Variants in VAV2 observed in about 807,000 individuals in gnomAD.
VAV2 encodes vav guanine nucleotide exchange factor 2.
Under a neutral mutation model 132.5 loss-of-function variants are expected in VAV2, and 67 were observed. The ratio of observed to expected loss-of-function variants is 0.51; its 90% CI spans 0.42 to 0.62. The LOEUF (loss-of-function observed/expected upper bound fraction) is 0.62. Among genes scored for constraint, VAV2 ranks in the 20% least tolerant of loss-of-function variants. The probability of loss-of-function intolerance (pLI) is 0.00; values close to 1 mark genes in which losing one functional copy is unlikely to be tolerated. For missense variants in VAV2, 938 were observed against 1,153.6 expected, an observed-to-expected ratio of 0.81 and a Z score of 2.71; for synonymous variants, 492 against 443.5, an observed-to-expected ratio of 1.11 and a Z score of -1.37.
Position 133,876,644 on chromosome 9 carries a change from G to A in VAV2, c.322-15212C>T, listed in dbSNP as rs1838277889. 2.0e-5 allele frequency among the ~76,000 whole-genome samples: 3 copies of A among 152,354 alleles called. No individual in the cohort carries two copies. In the South Asian group the frequency reaches 6.2e-4, roughly 32 times the overall value. On this transcript the variant is annotated intron_variant, in intron 2 of 29. Transcript: ENST00000371850. ...TGAGAGATGCTTCAGGCTGCAAAGA[G>A]GATACTGGGTGGAGGGAAGGCAGGA...
intron 10 of VAV2, 60 bp downstream of exon 10, chr9:133,797,650 T>A: frequency 6.7e-7 from 1 of 1,484,592 alleles, no homozygotes; most frequent in Non-Finnish European, 9.2e-7. Flanking sequence ...CCTAACGAGC[T>A]CTGGCCTGCA....
At chr9:133,776,785 C>T (rs1003513198) in intron 23 of VAV2, among the ~76,000 whole-genome samples, 2 of 152,096 alleles carry the variant, frequency 1.3e-5, no homozygotes, top group African/African-American at 2.4e-5. Flanking sequence ...CGGGGAGCAC[C>T]GGGGCTGCCG....
intron 19 of VAV2, 67 bp downstream of exon 19, chr9:133,783,436 G>A: frequency 6.7e-7 from 1 of 1,500,194 alleles, no homozygotes; most frequent in South Asian, 1.1e-5. Flanking sequence ...CCGTACCCAG[G>A]TGGTAGGGGG....
intron 16 of VAV2, among the ~76,000 whole-genome samples, chr9:133,786,841 C>T (rs56915023): frequency 0.034 from 5,091 of 151,330 alleles, 307 homozygotes; most frequent in African/African-American, 0.12. Flanking sequence ...GAAAGAGGAA[C>T]GAAGGGAGGG....
At chr9:133,944,462 G>A (rs540066984) in intron 1 of VAV2, among the ~76,000 whole-genome samples, 32 of 152,182 alleles carry the variant, frequency 2.1e-4, no homozygotes, top group Admixed American at 6.5e-4. Flanking sequence ...CTTGGCCATC[G>A]ACCCCTGGGC....
intron 12 of VAV2, among the ~76,000 whole-genome samples, chr9:133,793,865 C>T (rs10993803): frequency 0.55 from 83,747 of 151,928 alleles, 23,518 homozygotes; most frequent in African/African-American, 0.65. Context: ...CCAGGTACAG[C>T]GACGACTCCC....
intron 3 of VAV2, among the ~76,000 whole-genome samples, chr9:133,838,381 C>CG (rs1450763026): frequency 7.1e-6 from 1 of 139,862 alleles, no homozygotes; most frequent in Non-Finnish European, 1.5e-5. Context: ...GGATAGATGG[C>CG]GGGGGGTGGA....
intron 2 of VAV2, among the ~76,000 whole-genome samples, chr9:133,911,147 C>G (rs1269759468): frequency 6.6e-6 from 1 of 152,194 alleles, no homozygotes; most frequent in African/African-American, 2.4e-5. Context: ...GGAATGTATT[C>G]ACGCGTGCAC....
At position 133,766,824 on chromosome 9, in the gene VAV2, G is replaced by A. The variant is rs373788054; in HGVS notation, c.2589+1618C>T. On this transcript the variant is annotated intron_variant, in intron 29 of 29. Transcript: ENST00000371850. Reference sequence around the variant, plus strand: ...AAAAACAAAAACAATGTCTTCTAAGGTTTGAATATATATAGAATTAAGATA... The same window carrying A: ...AAAAACAAAAACAATGTCTTCTAAGATTTGAATATATATAGAATTAAGATA... 2.6e-4 allele frequency among the ~76,000 whole-genome samples: 37 copies of A among 142,008 alleles called. No homozygotes were observed. In the East Asian group the frequency reaches 7.2e-3, roughly 28 times the overall value. The allele number at this position is 142,008 out of a possible 152,430, so 93.2% of individuals were successfully genotyped here.
chr9:133,772,086 CCACA>C lies in VAV2; in HGVS notation c.2136-44_2136-41del, dbSNP rs769132741. On this transcript the variant is annotated intron_variant, in intron 25 of 29. Coordinates refer to ENST00000371850, the MANE Select transcript of VAV2 (RefSeq NM_001134398.2). Reference sequence around the variant, plus strand: ...GGCCCCGGCGGTCACCGCGTGAGGGCCACACGGCCCCGGCCCCCTTGGCAGCCAG... The same window carrying C: ...GGCCCCGGCGGTCACCGCGTGAGGGCCGGCCCCGGCCCCCTTGGCAGCCAG... The C allele has an allele frequency of 2.8e-5, 44 of 1,563,256 alleles. 1 individual carries two copies. In the South Asian group the frequency reaches 4.9e-4, roughly 17 times the overall value.
In VAV2 at chr9:133,857,492, T is replaced by C. The variant is rs1158362878; in HGVS notation, c.380+3882A>G. 6.6e-6 allele frequency among the ~76,000 whole-genome samples: 1 copy of C among 152,206 alleles called. No individual in the cohort carries two copies. The highest frequency in any genetic ancestry group is 2.4e-5 in the African/African-American group (1 of 41,446). ...TTTTTGAAGGAGCACGTTGGGCTCC[T>C]ACCCAGCCATGAAATGAGGGAGAGA... On this transcript the variant is annotated intron_variant, in intron 3 of 29. Transcript: ENST00000371850. This position sits in a 1 kb window ranked among gnomAD's most constrained non-coding sequence, Gnocchi z 4.0.
rs1835916769 is a variant in VAV2 at position 133,824,681 on chromosome 9, G to GGGTCCCA, written c.449+9584_449+9590dup. Among the ~76,000 whole-genome samples the GGGTCCCA allele has an allele frequency of 6.6e-6, 1 of 152,226 alleles. No individual in the cohort carries two copies. The highest frequency in any genetic ancestry group is 1.9e-4 in the East Asian group (1 of 5,176). On this transcript the variant is annotated intron_variant, in intron 4 of 29. Coordinates refer to ENST00000371850, the MANE Select transcript of VAV2 (RefSeq NM_001134398.2). This position sits in a 1 kb window ranked among gnomAD's most constrained non-coding sequence, Gnocchi z 5.2. ...GTGAGAAGTGCAGGGGCCCACAACG[G>GGGTCCCA]GGTCCCAGGTCCCAGGTCTGTGGGG...
chr9:133,983,878 C>A lies in VAV2; in HGVS notation c.204+8197G>T, dbSNP rs370742233. 2.4e-3 allele frequency among the ~76,000 whole-genome samples: 345 copies of A among 144,996 alleles called. 3 individuals are homozygous for A. Among genetic ancestry groups the A allele is most frequent in the African/African-American group, 7.9e-3 (313 of 39,436 alleles). On this transcript the variant is annotated intron_variant, in intron 1 of 29. Transcript: ENST00000371850. The stretch of plus-strand genomic sequence containing the variant: ...GATGAGTGTTTCTCACCCTCATTTT[C>A]GTTACTGTCCCTCCAAGGAGGCTTT...
At chr9:133,855,395 T>C (rs1476932719) in intron 3 of VAV2, among the ~76,000 whole-genome samples, 9 of 152,142 alleles carry the variant, frequency 5.9e-5, no homozygotes, top group Admixed American at 5.9e-4. Context: ...GGAGTGGAAG[T>C]CAAGGACGCA....
intron 1 of VAV2, among the ~76,000 whole-genome samples, chr9:133,982,512 C>T (rs1842730107): frequency 6.6e-6 from 1 of 151,560 alleles, no homozygotes; most frequent in Non-Finnish European, 1.5e-5. Flanking sequence ...GGCAGACTGG[C>T]TGGAGGGGCA....
intron 13 of VAV2, among the ~76,000 whole-genome samples, chr9:133,791,190 G>A (rs1172557822): frequency 6.6e-6 from 1 of 152,160 alleles, no homozygotes; most frequent in Non-Finnish European, 1.5e-5. Flanking sequence ...TCCTGGGGTG[G>A]CGCATCCCCT....
intron 2 of VAV2, among the ~76,000 whole-genome samples, chr9:133,906,067 T>TG (rs1299292837): frequency 6.6e-6 from 1 of 152,110 alleles, no homozygotes; most frequent in Non-Finnish European, 1.5e-5. Flanking sequence ...AAGAGGTTCC[T>TG]ACAAGGAAAC....
chr9:133,779,831 G>A (rs1833942857), intron 21 of VAV2, 87 bp downstream of exon 21: 3 of 1,536,154 alleles, frequency 2.0e-6, no homozygotes, highest in Non-Finnish European at 2.6e-6. Context: ...GGGCAGACCT[G>A]GCCATCACCA....
chr9:133,910,368 G>A (rs1351716066), intron 2 of VAV2, among the ~76,000 whole-genome samples: 1 of 152,198 alleles, frequency 6.6e-6, no homozygotes, highest in African/African-American at 2.4e-5. Flanking sequence ...ACTGGCGCAA[G>A]CTGCGAGTTC....
Sources: allele counts gnomAD v4.1 joint callset (sites outside exome capture counted in the v4.1 genomes callset), GRCh38; gene constraint gnomAD v4.1.1; non-coding constraint Gnocchi (gnomAD v3.1); transcripts MANE v1.5; gene names NCBI Gene and HGNC (gene_info 2026-07-23, HGNC 2026-07-21).